Variants in CELF2 observed in about 807,000 individuals in gnomAD.
CELF2 encodes the protein CUG triplet repeat RNA-binding protein 2.
CELF2 carries 8 observed loss-of-function variants against 62.6 expected under a neutral mutation model. That is an observed-to-expected ratio of 0.13 (90% CI 0.07 to 0.23). The LOEUF is 0.23. Among genes scored for constraint, CELF2 ranks in the 10% least tolerant of loss-of-function variants. The pLI is 1.00. For synonymous variants in CELF2, 258 were observed against 250.0 expected (o/e 1.03, Z -0.30); for missense variants, 333 against 671.0 (o/e 0.50, Z 5.56).
intron 2 of CELF2, among the ~76,000 whole-genome samples, chr10:10,988,258 T>C (rs921299674): frequency 4.7e-5 from 7 of 148,724 alleles, no homozygotes; most frequent in Admixed American, 2.0e-4. Flanking sequence ...TATACACACA[T>C]ACATATATAT....
intron 1 of CELF2, among the ~76,000 whole-genome samples, chr10:10,850,212 G>T (rs1032591175): frequency 6.6e-6 from 1 of 151,980 alleles, no homozygotes; most frequent in Non-Finnish European, 1.5e-5. Flanking sequence ...AATTATATCT[G>T]GTAGTTTAAT....
chr10:11,322,575 A>G (rs73583251), intron 11 of CELF2, among the ~76,000 whole-genome samples: 4,390 of 151,970 alleles, frequency 0.029, 206 homozygotes, highest in African/African-American at 0.1. Flanking sequence ...CCCTCACCCC[A>G]TAGCTCCAAA....
chr10:10,633,933 C>T, the CELF2 span, among the ~76,000 whole-genome samples: 4 of 151,882 alleles, frequency 2.6e-5, no homozygotes, highest in South Asian at 2.1e-4. Flanking sequence ...AAATTTCTAA[C>T]CTGTTTAATT....
At chr10:10,729,957 G>A in the CELF2 span, among the ~76,000 whole-genome samples, 1 of 152,186 alleles carries the variant, frequency 6.6e-6, no homozygotes, top group African/African-American at 2.4e-5. Flanking sequence ...TTCTTAGTGA[G>A]TATCAGGAAT....
intron 2 of CELF2, among the ~76,000 whole-genome samples, chr10:11,175,340 G>T (rs997136081): frequency 6.6e-6 from 1 of 152,118 alleles, no homozygotes; most frequent in Non-Finnish European, 1.5e-5. Flanking sequence ...TTGAAAAGGG[G>T]GAAAGGCTGT....
upstream of CELF2, among the ~76,000 whole-genome samples, chr10:11,014,562 C>T (rs749137756): frequency 1.6e-4 from 25 of 151,778 alleles, no homozygotes; most frequent in Non-Finnish European, 3.4e-4. Flanking sequence ...GGTTTGTATT[C>T]CAATTCAAGC....
intron 1 of CELF2, among the ~76,000 whole-genome samples, chr10:11,073,582 C>T (rs1564622099): frequency 6.6e-6 from 1 of 152,128 alleles, no homozygotes; most frequent in Non-Finnish European, 1.5e-5. Flanking sequence ...AGGCACTGTG[C>T]CTAAAGACTT....
the CELF2 span, among the ~76,000 whole-genome samples, chr10:10,787,305 A>T: frequency 6.6e-6 from 1 of 152,228 alleles, no homozygotes; most frequent in Non-Finnish European, 1.5e-5. Flanking sequence ...AATGGTTTCT[A>T]GTCCAGTAAT....
At chr10:11,291,356 C>T (rs2092501369) in intron 9 of CELF2, among the ~76,000 whole-genome samples, 1 of 152,082 alleles carries the variant, frequency 6.6e-6, no homozygotes, top group Non-Finnish European at 1.5e-5. Flanking sequence ...TGATTTTAAA[C>T]AGTCTTGGCT....
At chr10:10,694,357 T>C in the CELF2 span, among the ~76,000 whole-genome samples, 21 of 151,090 alleles carry the variant, frequency 1.4e-4, no homozygotes, top group African/African-American at 4.4e-4. Flanking sequence ...TCTAGTTTGA[T>C]TGCACTGTGG....
intron 1 of CELF2, among the ~76,000 whole-genome samples, chr10:11,035,770 A>C (rs1462594761): frequency 6.6e-6 from 1 of 152,208 alleles, no homozygotes; most frequent in African/African-American, 2.4e-5. Flanking sequence ...TCAGCATCTG[A>C]GTCTCAATGG....
intron 2 of CELF2, among the ~76,000 whole-genome samples, chr10:10,956,032 T>C (rs2048853893): frequency 1.3e-5 from 2 of 152,204 alleles, no homozygotes; most frequent in African/African-American, 2.4e-5. Context: ...ATTACACTTG[T>C]TACAAAGAAA....
the CELF2 span, among the ~76,000 whole-genome samples, chr10:10,522,175 C>T: frequency 6.6e-6 from 1 of 152,198 alleles, no homozygotes; most frequent in African/African-American, 2.4e-5. Context: ...GAGCCCTTCT[C>T]CACATGTTGT....
At chr10:11,077,734 G>A (rs949095777) in intron 1 of CELF2, among the ~76,000 whole-genome samples, 1 of 152,158 alleles carries the variant, frequency 6.6e-6, no homozygotes, top group Admixed American at 6.5e-5. Flanking sequence ...TGAGCCTCTT[G>A]ACAGATGAAT....
At chr10:10,806,624 G>T (rs2055263085) in intron 1 of CELF2, among the ~76,000 whole-genome samples, 1 of 152,298 alleles carries the variant, frequency 6.6e-6, no homozygotes, top group Middle Eastern at 3.4e-3. Context: ...GCTTCAGTGT[G>T]CAGGACTGTA....
Position 11,321,215 on chromosome 10 carries a change from G to A in CELF2, c.1123G>A (p.Ala375Thr). 6.2e-7 allele frequency: 1 copy of A among 1,614,154 alleles called. No individual in the cohort carries two copies. The highest frequency in any genetic ancestry group is 8.5e-7 in the Non-Finnish European group (1 of 1,180,030). Residue 375 changes from alanine to threonine, a missense_variant, in exon 11 of 13, where the codon GCT becomes ACT. Coordinates refer to ENST00000633077, the MANE Select transcript of CELF2 (RefSeq NM_001326342.2). This position sits in a 1 kb window ranked among gnomAD's most constrained non-coding sequence, Gnocchi z 6.2. ...TGCTCAAATGCTCTCAGGTATGGCG[G>A]CTCTGAATGGAGGACTTGGCGCCAC... ...AVAQMLSGMA[A>T]LNGGLGATGL...
the CELF2 span, among the ~76,000 whole-genome samples, chr10:10,683,437 TTC>T: frequency 6.6e-6 from 1 of 152,216 alleles, no homozygotes; most frequent in African/African-American, 2.4e-5. Context: ...CGGTCCATCT[TTC>T]TGTTTCTTTT....
At chr10:10,839,631 G>A (rs766385801) in intron 1 of CELF2, among the ~76,000 whole-genome samples, 2 of 152,196 alleles carry the variant, frequency 1.3e-5, no homozygotes, top group African/African-American at 4.8e-5. Flanking sequence ...ATAGCCTTTG[G>A]TGAGGTTGCT....
intron 2 of CELF2, among the ~76,000 whole-genome samples, chr10:11,212,360 A>G (rs968999047): frequency 2.6e-5 from 4 of 152,198 alleles, no homozygotes; most frequent in Non-Finnish European, 5.9e-5. Flanking sequence ...GCCTTCACAG[A>G]CAATGCTCTG....
Sources: allele counts gnomAD v4.1 joint callset (sites outside exome capture counted in the v4.1 genomes callset), GRCh38; gene constraint gnomAD v4.1.1; non-coding constraint Gnocchi (gnomAD v3.1); transcripts MANE v1.5; gene names NCBI Gene and HGNC (gene_info 2026-07-23, HGNC 2026-07-21).